The following KCTD8 variants were observed in gnomAD, a reference collection of about 807,000 sequenced individuals.
KCTD8 encodes potassium channel tetramerization domain containing 8, also known as BTB/POZ domain-containing protein KCTD8.
Under a neutral mutation model 31.5 loss-of-function variants are expected in KCTD8, and 27 were observed. The observed-to-expected ratio is 0.86, with a 90% confidence interval of 0.63 to 1.18. The LOEUF is 1.18. Among genes scored for constraint, KCTD8 ranks in the 50% most tolerant of loss-of-function variants. The pLI is 0.00. For missense variants in KCTD8, 658 were observed against 647.7 expected, an observed-to-expected ratio of 1.02 and a Z score of -0.17; for synonymous variants, 290 against 280.0, an observed-to-expected ratio of 1.04 and a Z score of -0.36.
intron 1 of KCTD8, among the ~76,000 whole-genome samples, chr4:44,384,742 T>A: frequency 6.6e-6 from 1 of 151,778 alleles, no homozygotes; most frequent in East Asian, 1.9e-4. Context: ...CTGACTATAG[T>A]TAACTACAAT....
chr4:44,187,121 T>A (rs1374738654), intron 1 of KCTD8, among the ~76,000 whole-genome samples: 1 of 152,190 alleles, frequency 6.6e-6, no homozygotes, highest in Non-Finnish European at 1.5e-5. Flanking sequence ...TTTGGCAAAG[T>A]TCCTACCTTA....
intron 1 of KCTD8, among the ~76,000 whole-genome samples, chr4:44,392,093 C>T (rs1720389136): frequency 6.6e-6 from 1 of 151,920 alleles, no homozygotes; most frequent in African/African-American, 2.4e-5. Flanking sequence ...CAAAGTGGCC[C>T]TTTTTGCATT....
chr4:44,447,613 T>C lies in KCTD8; in HGVS notation c.911A>G (p.Gln304Arg), dbSNP rs1406831947. The change falls in exon 1 of 2, where the codon CAG (glutamine) becomes CGG (arginine). Residue 304 changes from glutamine (Q) to arginine (R), a missense_variant. Physicochemically the swap from Gln to Arg is conservative, Grantham distance 43. Transcript: ENST00000360029. ...NSSGTAAFVN[Q>R]YRDDKIWSSY... ...GCTCCAGATCTTGTCGTCGCGGTAC[T>C]GGTTGACGAAGGCGGCGGTGCCCGA... The C allele has an allele frequency of 1.2e-6, 2 of 1,604,894 alleles. No homozygotes were observed. The highest frequency in any genetic ancestry group is 8.5e-7 in the Non-Finnish European group (1 of 1,176,092).
At position 44,432,979 on chromosome 4, in the gene KCTD8, A is replaced by G. The variant is rs183294707; in HGVS notation, c.961+14584T>C. 2.6e-3 allele frequency among the ~76,000 whole-genome samples: 387 copies of G among 151,622 alleles called. 2 individuals are homozygous for G. Among genetic ancestry groups the G allele is most frequent in the African/African-American group, 8.7e-3 (361 of 41,464 alleles). On this transcript the variant is annotated intron_variant, in intron 1 of 1. Transcript: ENST00000360029. ...TTCTAATGTCTGACTGGCCCTTGTC[A>G]ATATCATTTCCAGGCTCCTCTTTAT...
intron 1 of KCTD8, among the ~76,000 whole-genome samples, chr4:44,298,243 C>T (rs1717496135): frequency 6.6e-6 from 1 of 152,188 alleles, no homozygotes; most frequent in African/African-American, 2.4e-5. Flanking sequence ...TACTGAGGCT[C>T]AGACCCCTTC....
chr4:44,427,063 G>C (rs961352543), intron 1 of KCTD8, among the ~76,000 whole-genome samples: 3 of 151,508 alleles, frequency 2.0e-5, no homozygotes, highest in African/African-American at 7.3e-5. Flanking sequence ...TATTTCAAGA[G>C]AGAGAGGAAA....
chr4:44,188,833 G>A (rs2109333853), intron 1 of KCTD8, among the ~76,000 whole-genome samples: 1 of 152,210 alleles, frequency 6.6e-6, no homozygotes, highest in South Asian at 2.1e-4. Context: ...TTTTTCCCTA[G>A]AACTTCTCGA....
chr4:44,177,050 G>C (rs1713238705), intron 1 of KCTD8, among the ~76,000 whole-genome samples: 1 of 152,092 alleles, frequency 6.6e-6, no homozygotes, highest in Non-Finnish European at 1.5e-5. Context: ...AAATTGTTGG[G>C]TTTTATTTGT....
At chr4:44,377,643 G>C (rs1436395800) in intron 1 of KCTD8, among the ~76,000 whole-genome samples, 1 of 152,174 alleles carries the variant, frequency 6.6e-6, no homozygotes, top group Non-Finnish European at 1.5e-5. Context: ...TCTTGTTTAA[G>C]TCTAAGCACT....
intron 1 of KCTD8, among the ~76,000 whole-genome samples, chr4:44,384,242 G>C (rs1720150302): frequency 6.6e-6 from 1 of 151,796 alleles, no homozygotes; most frequent in Non-Finnish European, 1.5e-5. Flanking sequence ...CAGTCATATA[G>C]AAAACAGTAG....
chr4:44,181,960 G>A (rs1326688652), intron 1 of KCTD8, among the ~76,000 whole-genome samples: 2 of 142,958 alleles, frequency 1.4e-5, no homozygotes, highest in East Asian at 3.9e-4. Flanking sequence ...TGAGAAGTGA[G>A]GAGCCCCTCC....
At chr4:44,276,965 T>C in intron 1 of KCTD8, among the ~76,000 whole-genome samples, 1 of 152,004 alleles carries the variant, frequency 6.6e-6, no homozygotes, top group East Asian at 1.9e-4. Flanking sequence ...CCAGCCTAGC[T>C]ACTTAACTCT....
intron 1 of KCTD8, among the ~76,000 whole-genome samples, chr4:44,370,789 A>G (rs1394558147): frequency 6.6e-6 from 1 of 152,194 alleles, no homozygotes; most frequent in African/African-American, 2.4e-5. Flanking sequence ...TTTCTTTTCC[A>G]GCCTCAATTC....
Position 44,447,750 on chromosome 4 carries a change from G to C in KCTD8, c.774C>G (p.Pro258=). The stretch of plus-strand genomic sequence containing the variant: ...ACGTGTACTTCTCCGGCTGCCGGTC[G>C]GGGTCGCGGCTCTCGTTGAGCGTGT... ...FGDTLNESRD[P]DRQPEKYTSR... The change falls in exon 1 of 2, where the codon CCC becomes CCG. Residue 258 remains proline, a synonymous_variant. Transcript: ENST00000360029. The C allele has an allele frequency of 1.2e-6, 2 of 1,612,066 alleles. No homozygotes were observed. Among genetic ancestry groups the C allele is most frequent in the Non-Finnish European group, 1.7e-6 (2 of 1,179,160 alleles).
chr4:44,410,825 A>G (rs1049384411), intron 1 of KCTD8, among the ~76,000 whole-genome samples: 1 of 152,148 alleles, frequency 6.6e-6, no homozygotes, highest in African/African-American at 2.4e-5. Context: ...GTCAGTCCCA[A>G]AACACGTGGG....
In KCTD8 at chr4:44,179,150, C is replaced by CT. The variant is rs778241448; in HGVS notation, c.962-3901dup. 3.3e-4 allele frequency among the ~76,000 whole-genome samples: 49 copies of CT among 149,780 alleles called. 1 individual carries two copies. The South Asian group carries it at 7.4e-3, about 23-fold the overall frequency. On this transcript the variant is annotated intron_variant, in intron 1 of 1. Coordinates refer to ENST00000360029, the MANE Select transcript of KCTD8 (RefSeq NM_198353.3). ...GGTCTAACTGAATTTCCTACACTAGCTTTTTTTTTTCTTTCACTTTTTACT... is the reference window on the plus strand; with the variant it reads ...GGTCTAACTGAATTTCCTACACTAGCTTTTTTTTTTTCTTTCACTTTTTACT...
intron 1 of KCTD8, among the ~76,000 whole-genome samples, chr4:44,269,056 G>T (rs1716487891): frequency 6.6e-6 from 1 of 151,938 alleles, no homozygotes; most frequent in Non-Finnish European, 1.5e-5. Context: ...AGTTCATATG[G>T]AACCAAAAAA....
At chr4:44,226,337 C>A (rs1037844339) in intron 1 of KCTD8, among the ~76,000 whole-genome samples, 1 of 152,100 alleles carries the variant, frequency 6.6e-6, no homozygotes, top group African/African-American at 2.4e-5. Flanking sequence ...TGATGGCTTT[C>A]AGCTTCATCT....
In KCTD8 at chr4:44,373,194, C is replaced by T. The variant is rs557270569; in HGVS notation, c.961+74369G>A. Among the ~76,000 whole-genome samples, 6 of 152,140 alleles carry T rather than the reference C, an allele frequency of 3.9e-5. No individual in the cohort carries two copies. The South Asian group carries it at 1.2e-3, about 32-fold the overall frequency. ...CCTGACCAACATGGTGAAACTGTCT[C>T]TACTAAAAATACAAAAATTAGCCAG... is the stretch of plus-strand genomic sequence containing the variant. On this transcript the variant is annotated intron_variant, in intron 1 of 1. Coordinates refer to ENST00000360029, the MANE Select transcript of KCTD8 (RefSeq NM_198353.3).
Sources: gnomAD v4.1 joint callset for allele counts (sites outside exome capture counted in the v4.1 genomes callset) on GRCh38, gnomAD v4.1.1 for gene constraint, MANE v1.5 for transcripts, NCBI Gene and HGNC (gene_info 2026-07-23, HGNC 2026-07-21) for gene names.